PTPRQ: variants seen among roughly 807,000 people sequenced by gnomAD.
The protein encoded by PTPRQ is protein tyrosine phosphatase receptor type Q.
PTPRQ carries 199 observed loss-of-function variants against 246.0 expected under a neutral mutation model. That is an observed-to-expected ratio of 0.81 (90% confidence interval 0.72 to 0.91). PTPRQ has a LOEUF of 0.91. Among genes scored for constraint, PTPRQ ranks in the 40% least tolerant of loss-of-function variants. The probability of loss-of-function intolerance (pLI) is 0.00; values close to 1 mark genes in which losing one functional copy is unlikely to be tolerated. For missense variants in PTPRQ, 2,624 were observed against 2,528.4 expected (o/e 1.04, Z -0.81); for synonymous variants, 869 against 853.2 (o/e 1.02, Z -0.32).
chr12:80,456,305 T>C (rs960763869), intron 3 of PTPRQ, among the ~76,000 whole-genome samples: 2 of 152,072 alleles, frequency 1.3e-5, no homozygotes, highest in African/African-American at 4.8e-5. Context: ...AGTGTGAGTC[T>C]TACAATGAGA....
intron 29 of PTPRQ, among the ~76,000 whole-genome samples, chr12:80,615,883 CT>C (rs1387191030): frequency 5.3e-5 from 8 of 150,896 alleles, no homozygotes; most frequent in African/African-American, 1.7e-4. Flanking sequence ...CAGTCCAGGT[CT>C]CAGTGATAGG....
At chr12:80,463,401 T>C (rs944130470) in intron 6 of PTPRQ, among the ~76,000 whole-genome samples, 1 of 152,192 alleles carries the variant, frequency 6.6e-6, no homozygotes, top group African/African-American at 2.4e-5. Context: ...TTGGTATACC[T>C]GAAAGTGATG....
At chr12:80,579,277 AACTTTC>A (rs1170570250) in intron 25 of PTPRQ, among the ~76,000 whole-genome samples, 1 of 152,156 alleles carries the variant, frequency 6.6e-6, no homozygotes, top group Admixed American at 6.5e-5. Context: ...ACTGCTTTCA[AACTTTC>A]ACTGCCTTTC....
intron 8 of PTPRQ, among the ~76,000 whole-genome samples, chr12:80,472,475 T>C (rs923266976): frequency 6.6e-6 from 1 of 152,168 alleles, no homozygotes; most frequent in Non-Finnish European, 1.5e-5. Context: ...TTAGGAAATA[T>C]CATATGTAGT....
chr12:80,575,321 C>T (rs1376558346), intron 25 of PTPRQ, among the ~76,000 whole-genome samples: 1 of 152,042 alleles, frequency 6.6e-6, no homozygotes, highest in African/African-American at 2.4e-5. Context: ...TGTGGTGGCT[C>T]ACACCTGTAA....
intron 27 of PTPRQ, among the ~76,000 whole-genome samples, chr12:80,607,505 T>C (rs572794721): frequency 1.4e-5 from 2 of 138,942 alleles, no homozygotes; most frequent in South Asian, 5.1e-4. Context: ...CTTCCTTCCT[T>C]CCTCACACAT....
At chr12:80,494,740 A>G in intron 10 of PTPRQ, among the ~76,000 whole-genome samples, 193 bp from the exon 11 acceptor site, 1 of 152,024 alleles carries the variant, frequency 6.6e-6, no homozygotes. Context: ...TCATAGTAAT[A>G]TTCAATACGA....
intron 32 of PTPRQ, 121 bp from the exon 33 acceptor site, chr12:80,621,940 C>A: frequency 1.4e-6 from 1 of 694,140 alleles, no homozygotes; most frequent in Non-Finnish European, 2.1e-6. Flanking sequence ...TCCAAATTTT[C>A]ATCTTGTAAA....
chr12:80,657,448 AT>A, intron 38 of PTPRQ, among the ~76,000 whole-genome samples: 1 of 151,982 alleles, frequency 6.6e-6, no homozygotes, highest in Middle Eastern at 3.6e-3. Context: ...TGGAATGCAT[AT>A]ATATAAAATC....
At chr12:80,516,007 A>G (rs1324918835) in intron 17 of PTPRQ, among the ~76,000 whole-genome samples, 1 of 151,888 alleles carries the variant, frequency 6.6e-6, no homozygotes, top group Non-Finnish European at 1.5e-5. Flanking sequence ...ATCCATCAAG[A>G]TGGTAAACTA....
chr12:80,602,727 G>T (rs1404251467), intron 26 of PTPRQ, among the ~76,000 whole-genome samples: 1 of 151,688 alleles, frequency 6.6e-6, no homozygotes, highest in African/African-American at 2.4e-5. Flanking sequence ...CTAAATTTTG[G>T]AGGGGACATG....
chr12:80,555,765 A>G (rs1896627120), intron 25 of PTPRQ, among the ~76,000 whole-genome samples: 1 of 152,136 alleles, frequency 6.6e-6, no homozygotes, highest in Admixed American at 6.5e-5. Flanking sequence ...ATTAAATATA[A>G]TATTTTTCTT....
intron 14 of PTPRQ, among the ~76,000 whole-genome samples, chr12:80,499,735 T>C (rs56134442): frequency 0.03 from 4,545 of 151,856 alleles, 258 homozygotes; most frequent in African/African-American, 0.1. Context: ...ACCCTTGTGT[T>C]CAAGCAGGAA....
chr12:80,478,048 T>A (rs1240061053), intron 8 of PTPRQ, among the ~76,000 whole-genome samples: 1 of 152,222 alleles, frequency 6.6e-6, no homozygotes, highest in Non-Finnish European at 1.5e-5. Context: ...GAGGCCTGCT[T>A]GCCTCTGTAG....
chr12:80,570,915 G>C (rs1592668247), intron 25 of PTPRQ, among the ~76,000 whole-genome samples: 1 of 152,050 alleles, frequency 6.6e-6, no homozygotes, highest in Non-Finnish European at 1.5e-5. Context: ...CTTTATTTCT[G>C]AGGCCTCTGT....
intron 14 of PTPRQ, among the ~76,000 whole-genome samples, chr12:80,498,416 A>G (rs1894694147): frequency 6.6e-6 from 1 of 152,086 alleles, no homozygotes; most frequent in Non-Finnish European, 1.5e-5. Flanking sequence ...TATTTATAAT[A>G]TACCAGGCCT....
In PTPRQ at chr12:80,627,413, G is replaced by T. The variant is rs533342096; in HGVS notation, c.5687-4779G>T. ...GAGGAAGAGGAGGAGGAGGAGGAAGGGGAGGAGGAGAAGAAGGAGAGGGAG... is the reference window on the plus strand; with the variant it reads ...GAGGAAGAGGAGGAGGAGGAGGAAGTGGAGGAGGAGAAGAAGGAGAGGGAG... On this transcript the variant is annotated intron_variant, in intron 33 of 44. Transcript: ENST00000644991. 2.7e-5 allele frequency among the ~76,000 whole-genome samples: 4 copies of T among 150,102 alleles called. No individual in the cohort carries two copies. In the East Asian group the frequency reaches 5.9e-4, roughly 22 times the overall value.
intron 26 of PTPRQ, among the ~76,000 whole-genome samples, chr12:80,603,114 A>C (rs959817895): frequency 4.0e-5 from 6 of 151,690 alleles, no homozygotes; most frequent in African/African-American, 1.5e-4. Context: ...AGCTTTTACT[A>C]CTTTCTCTAT....
chr12:80,444,689 G>A lies in PTPRQ; in HGVS notation c.55-52G>A, dbSNP rs1310334784. 8.3e-6 allele frequency: 11 copies of A among 1,329,994 alleles called. No individual in the cohort carries two copies. In the Admixed American group the frequency reaches 2.2e-4, roughly 27 times the overall value. The allele number at this position is 1,329,994 out of a possible 1,614,324, so 82.4% of individuals were successfully genotyped here. ...TATAGTGATAGATTTATTTTAGCTT[G>A]CTTGCTTTCCAGAAAGAATTTTAAT... On this transcript the variant is annotated intron_variant, in intron 1 of 44. Coordinates refer to ENST00000644991, the MANE Select transcript of PTPRQ (RefSeq NM_001145026.2).
Sources: allele counts gnomAD v4.1 joint callset (sites outside exome capture counted in the v4.1 genomes callset), GRCh38; gene constraint gnomAD v4.1.1; transcripts MANE v1.5; gene names NCBI Gene and HGNC (gene_info 2026-07-23, HGNC 2026-07-21).